CNTNAP2: variants seen among roughly 807,000 people sequenced by gnomAD.
The protein encoded by CNTNAP2 is contactin associated protein 2.
In CNTNAP2, 98 loss-of-function variants were observed where a neutral mutation model predicts 155.2. The ratio of observed to expected loss-of-function variants is 0.63; its 90% CI spans 0.54 to 0.75. The LOEUF is 0.75. Ranked by LOEUF, CNTNAP2 falls within the 30% of genes least tolerant of loss-of-function variation. The pLI is 0.00. For synonymous variants in CNTNAP2, 651 were observed against 631.2 expected, an observed-to-expected ratio of 1.03 and a Z score of -0.47; for missense variants, 1,727 against 1,688.1, an observed-to-expected ratio of 1.02 and a Z score of -0.40.
intron 13 of CNTNAP2, among the ~76,000 whole-genome samples, chr7:147,804,329 G>A (rs78196205): frequency 0.011 from 1,722 of 152,232 alleles, 95 homozygotes; most frequent in Admixed American, 0.09. Context: ...ACTTACCAAG[G>A]TATTTCCAGA....
intron 20 of CNTNAP2, among the ~76,000 whole-genome samples, chr7:148,251,265 C>T (rs567216161): frequency 8.9e-4 from 136 of 152,256 alleles, no homozygotes; most frequent in African/African-American, 3.0e-3. Context: ...TTGCAGAACT[C>T]GGGAAAGCAC....
intron 1 of CNTNAP2, among the ~76,000 whole-genome samples, chr7:146,327,404 T>C (rs1801115913): frequency 6.6e-6 from 1 of 152,232 alleles, no homozygotes; most frequent in South Asian, 2.1e-4. Flanking sequence ...AACACAATTG[T>C]ATATCTGGTT....
intron 2 of CNTNAP2, among the ~76,000 whole-genome samples, chr7:146,790,417 G>T (rs1372932323): frequency 6.6e-6 from 1 of 152,114 alleles, no homozygotes; most frequent in Non-Finnish European, 1.5e-5. Flanking sequence ...GCACTAACTA[G>T]GAAGAGAAGT....
chr7:146,607,996 A>G (rs550906238), intron 1 of CNTNAP2, among the ~76,000 whole-genome samples: 2 of 152,334 alleles, frequency 1.3e-5, no homozygotes, highest in Admixed American at 1.3e-4. Context: ...ATTTAAAGGA[A>G]GCAGAAAATG....
chr7:146,696,360 CA>C (rs1800783355), intron 1 of CNTNAP2, among the ~76,000 whole-genome samples: 1 of 152,086 alleles, frequency 6.6e-6, no homozygotes, highest in Admixed American at 6.6e-5. Context: ...TCTATGAAGT[CA>C]ATGTTAATTA....
chr7:147,855,400 C>T (rs1799018791), intron 13 of CNTNAP2, among the ~76,000 whole-genome samples: 1 of 152,056 alleles, frequency 6.6e-6, no homozygotes, highest in Admixed American at 6.6e-5. Context: ...GATTACTGAG[C>T]TCTGAGTGTC....
At chr7:147,166,589 C>T (rs1229330921) in intron 8 of CNTNAP2, among the ~76,000 whole-genome samples, 4 of 152,130 alleles carry the variant, frequency 2.6e-5, no homozygotes, top group Admixed American at 2.0e-4. Flanking sequence ...GACCACCAAA[C>T]AGGCTTTGTG....
intron 8 of CNTNAP2, among the ~76,000 whole-genome samples, chr7:147,188,549 T>C (rs1802615325): frequency 1.3e-5 from 2 of 152,174 alleles, no homozygotes; most frequent in South Asian, 4.1e-4. Flanking sequence ...CTTCTGTAAA[T>C]GCAAAATACA....
At chr7:146,814,986 TTA>T (rs898298226) in intron 2 of CNTNAP2, among the ~76,000 whole-genome samples, 26 of 152,308 alleles carry the variant, frequency 1.7e-4, no homozygotes, top group African/African-American at 6.0e-4. Context: ...TAATTTTCCT[TTA>T]TGTTTTGAAA....
chr7:146,777,975 A>G (rs927677211), intron 2 of CNTNAP2, among the ~76,000 whole-genome samples: 6 of 152,152 alleles, frequency 3.9e-5, no homozygotes, highest in African/African-American at 1.2e-4. Context: ...TCCAAGCAGA[A>G]AAAATATATG....
chr7:147,703,209 G>C (rs1796262489), intron 13 of CNTNAP2, among the ~76,000 whole-genome samples: 1 of 151,804 alleles, frequency 6.6e-6, no homozygotes, highest in Admixed American at 6.6e-5. Context: ...TTAATTCCCA[G>C]ATCACTCTAA....
chr7:146,502,994 A>G (rs988291405), intron 1 of CNTNAP2, among the ~76,000 whole-genome samples: 12 of 152,102 alleles, frequency 7.9e-5, no homozygotes, highest in African/African-American at 2.7e-4. Context: ...AGCTATTTGT[A>G]TGTCTTCTTT....
intron 1 of CNTNAP2, among the ~76,000 whole-genome samples, chr7:146,773,049 G>C (rs1802324623): frequency 6.6e-6 from 1 of 152,098 alleles, no homozygotes; most frequent in African/African-American, 2.4e-5. Flanking sequence ...GAACATCCCA[G>C]TATCAGAAGA....
intron 3 of CNTNAP2, among the ~76,000 whole-genome samples, chr7:147,016,814 T>C (rs1798732599): frequency 6.6e-6 from 1 of 151,992 alleles, no homozygotes; most frequent in Non-Finnish European, 1.5e-5. Context: ...ACAGGGAAGT[T>C]ACAGCTGGAT....
chr7:147,213,445 T>C (rs191616105), intron 8 of CNTNAP2, among the ~76,000 whole-genome samples: 2 of 152,128 alleles, frequency 1.3e-5, no homozygotes, highest in Admixed American at 6.6e-5. Flanking sequence ...AGTTGACACA[T>C]CAAACTAACC....
chr7:146,558,765 C>T lies in CNTNAP2; in HGVS notation c.98-215506C>T, dbSNP rs187986941. Among the ~76,000 whole-genome samples, 291 of 152,316 alleles carry T rather than the reference C, an allele frequency of 1.9e-3. 4 individuals are homozygous for T. The highest frequency in any genetic ancestry group is 0.015 in the South Asian group (72 of 4,824). On this transcript the variant is annotated intron_variant, in intron 1 of 23. Coordinates refer to ENST00000361727, the MANE Select transcript of CNTNAP2 (RefSeq NM_014141.6). ...ACTAACACTATCTTCTCCCATATCT[C>T]TCCTGATCCCACCCCTGGCAACTAC...
chr7:148,223,140 A>G (rs1333514692), intron 19 of CNTNAP2, among the ~76,000 whole-genome samples: 1 of 152,158 alleles, frequency 6.6e-6, no homozygotes, highest in African/African-American at 2.4e-5. Flanking sequence ...TTATGCCTGC[A>G]ATACTCCCTT....
At chr7:147,072,171 A>G (rs906279862) in intron 4 of CNTNAP2, among the ~76,000 whole-genome samples, 2 of 152,174 alleles carry the variant, frequency 1.3e-5, no homozygotes, top group African/African-American at 4.8e-5. Context: ...GTCATATTTC[A>G]GGTAAACAAA....
chr7:147,663,061 C>T (rs185833161), intron 13 of CNTNAP2, among the ~76,000 whole-genome samples: 2,541 of 152,198 alleles, frequency 0.017, 222 homozygotes, highest in Admixed American at 0.15. Context: ...TGCAGTGGCG[C>T]GTTCTCGGCT....
Sources: gnomAD v4.1 joint callset for allele counts (sites outside exome capture counted in the v4.1 genomes callset) on GRCh38, gnomAD v4.1.1 for gene constraint, MANE v1.5 for transcripts, NCBI Gene and HGNC (gene_info 2026-07-23, HGNC 2026-07-21) for gene names.